The following TOM1 variants were observed in gnomAD, a reference collection of about 807,000 sequenced individuals.
TOM1 encodes the protein target of Myb protein 1.
In TOM1, 38 loss-of-function variants were observed where a neutral mutation model predicts 61.3. The observed-to-expected ratio is 0.62, with a 90% CI of 0.48 to 0.81. The LOEUF is 0.81. Among genes scored for constraint, TOM1 ranks in the 40% least tolerant of loss-of-function variants. The probability of loss-of-function intolerance (pLI) is 0.00; values close to 1 mark genes in which losing one functional copy is unlikely to be tolerated. For missense variants in TOM1, 591 were observed against 659.6 expected (o/e 0.90, Z 1.14); for synonymous variants, 270 against 268.8 (o/e 1.00, Z -0.04).
At chr22:35,299,851 G>T, upstream of TOM1, 1 of 1,511,214 alleles carries the variant, frequency 6.6e-7, no homozygotes, top group Non-Finnish European at 9.0e-7. Context: ...GCCTCCGAGT[G>T]CGTCACGTGA....
chr22:35,329,975 G>A (rs966803766), intron 7 of TOM1, among the ~76,000 whole-genome samples: 5 of 152,118 alleles, frequency 3.3e-5, no homozygotes, highest in African/African-American at 7.2e-5. Flanking sequence ...CTGGAGGCCC[G>A]TGCATTAGAG....
At chr22:35,308,234 G>GTC (rs796065360) in intron 1 of TOM1, among the ~76,000 whole-genome samples, 47 of 147,442 alleles carry the variant, frequency 3.2e-4, no homozygotes, top group African/African-American at 6.5e-4. Flanking sequence ...GTGTGTGTCT[G>GTC]TCTCTCTCTC....
At position 35,347,211 on chromosome 22, in the gene TOM1, T is replaced by A; in HGVS notation, c.*2T>A. The A allele has an allele frequency of 6.2e-7, 1 of 1,601,642 alleles. No homozygotes were observed. Among genetic ancestry groups the A allele is most frequent in the Non-Finnish European group, 8.5e-7 (1 of 1,172,854 alleles). On this transcript the variant is annotated 3_prime_UTR_variant, in exon 15 of 15. Transcript: ENST00000449058. Reference sequence around the variant, plus strand: ...GATGACATGCTGTTTGCCTTATGAGTGTGGGGTCTGGCACCCTGCAGCCCA... The same window carrying A: ...GATGACATGCTGTTTGCCTTATGAGAGTGGGGTCTGGCACCCTGCAGCCCA...
rs539652356 is a variant in TOM1 at position 35,332,140 on chromosome 22, G to T, written c.900-841G>T. ...CTCACTGATTGATTCTAAATCAGTGGAAAGTGGGGGGTACCCTGCAGGTCA... is the reference window on the plus strand; with the variant it reads ...CTCACTGATTGATTCTAAATCAGTGTAAAGTGGGGGGTACCCTGCAGGTCA... On this transcript the variant is annotated intron_variant, in intron 8 of 14. Transcript: ENST00000449058. Among the ~76,000 whole-genome samples, 13 of 152,246 alleles carry T rather than the reference G, an allele frequency of 8.5e-5. No individual in the cohort carries two copies. The East Asian group carries it at 2.5e-3, about 29-fold the overall frequency.
At chr22:35,317,434 C>T in intron 1 of TOM1, among the ~76,000 whole-genome samples, 1 of 152,146 alleles carries the variant, frequency 6.6e-6, no homozygotes, top group East Asian at 1.9e-4. Context: ...GTGATCCACC[C>T]ACCTCAGCCT....
At chr22:35,300,822 CTTG>C (rs1925689264) in intron 1 of TOM1, among the ~76,000 whole-genome samples, 1 of 152,206 alleles carries the variant, frequency 6.6e-6, no homozygotes, top group Admixed American at 6.5e-5. Context: ...CCTCCGTGGG[CTTG>C]TTGTGAAGAT....
At position 35,334,430 on chromosome 22, in the gene TOM1, T is replaced by C; in HGVS notation, c.1130T>C (p.Leu377Pro). The C allele has an allele frequency of 6.2e-7, 1 of 1,614,112 alleles. No homozygotes were observed. The highest frequency in any genetic ancestry group is 8.5e-7 in the Non-Finnish European group (1 of 1,180,022). Residue 377 changes from leucine to proline, a missense_variant, in exon 11 of 15, where the codon CTG (leucine) becomes CCG (proline). Physicochemically the swap from Leu to Pro is moderately conservative, Grantham distance 98 (BLOSUM62 -3). Transcript: ENST00000449058. ...DMFALTRGSS[L>P]ADQRKEVKYE... ...TTTGCGCTGACACGGGGCAGCTCACTGGCTGACCAACGGAAAGAGTGAGTG... is the reference window on the plus strand; with the variant it reads ...TTTGCGCTGACACGGGGCAGCTCACCGGCTGACCAACGGAAAGAGTGAGTG...
chr22:35,321,887 A>G, intron 2 of TOM1, 72 bp from the exon 3 acceptor site: 2 of 1,321,226 alleles, frequency 1.5e-6, no homozygotes, highest in Non-Finnish European at 1.1e-6. Flanking sequence ...AACTGTTCCA[A>G]CTCTCCAGGG....
At chr22:35,316,911 G>C (rs945912370) in intron 1 of TOM1, among the ~76,000 whole-genome samples, 9 of 152,074 alleles carry the variant, frequency 5.9e-5, no homozygotes, top group African/African-American at 2.2e-4. Context: ...CTCTCTTTGG[G>C]GTAGTTCTGC....
chr22:35,304,448 C>A (rs1169384864), intron 1 of TOM1, among the ~76,000 whole-genome samples: 20 of 152,184 alleles, frequency 1.3e-4, no homozygotes, highest in Non-Finnish European at 8.8e-5. Flanking sequence ...ATATTCTCTG[C>A]AGACAAATCT....
intron 1 of TOM1, among the ~76,000 whole-genome samples, chr22:35,313,650 C>A (rs1225418717): frequency 6.6e-6 from 1 of 152,228 alleles, no homozygotes; most frequent in African/African-American, 2.4e-5. Context: ...CGTCCCACTC[C>A]ACCCTCATCT....
In TOM1 at chr22:35,330,381, G is replaced by A. The variant is rs778820960; in HGVS notation, c.800G>A (p.Arg267Gln). Residue 267 changes from arginine to glutamine, a missense_variant, in exon 8 of 15, where the codon CGG becomes CAG. Arg to Gln is a conservative substitution (Grantham distance 43, BLOSUM62 1). Coordinates refer to ENST00000449058, the MANE Select transcript of TOM1 (RefSeq NM_005488.3). ...LNRTCRAMQQ[R>Q]VLELIPQIAN... ...CGCACGTGCCGAGCCATGCAGCAGC[G>A]GGTCCTGGAGCTCATCCCTCAGATC... The A allele has an allele frequency of 8.7e-6, 14 of 1,613,260 alleles. No homozygotes were observed. The highest frequency in any genetic ancestry group is 1.1e-5 in the Non-Finnish European group (13 of 1,179,742).
chr22:35,333,521 A>C (rs1178397410), intron 10 of TOM1, 24 bp downstream of exon 10: 2 of 1,609,220 alleles, frequency 1.2e-6, no homozygotes, highest in Non-Finnish European at 1.7e-6. Context: ...GGAGGGCTCC[A>C]GCTGAGGGTA....
intron 6 of TOM1, among the ~76,000 whole-genome samples, chr22:35,324,172 T>C (rs1941321004): frequency 6.6e-6 from 1 of 152,236 alleles, no homozygotes; most frequent in Admixed American, 6.5e-5. Flanking sequence ...GCCCTGTACC[T>C]TGGCCATTTT....
chr22:35,316,176 A>C (rs1927261164), intron 1 of TOM1, among the ~76,000 whole-genome samples: 1 of 152,256 alleles, frequency 6.6e-6, no homozygotes, highest in Non-Finnish European at 1.5e-5. Context: ...AGTACTTTGC[A>C]TGTGACACTT....
intron 1 of TOM1, among the ~76,000 whole-genome samples, chr22:35,309,049 T>A (rs2145617013): frequency 6.6e-6 from 1 of 152,316 alleles, no homozygotes; most frequent in East Asian, 1.9e-4. Context: ...AAAAAATAGC[T>A]TCTGCATATT....
intron 1 of TOM1, among the ~76,000 whole-genome samples, chr22:35,309,476 T>C (rs150764523): frequency 6.6e-6 from 1 of 152,186 alleles, no homozygotes; most frequent in East Asian, 1.9e-4. Context: ...AAACCCCATC[T>C]TTACTAAAAA....
At chr22:35,299,526 ACTAAGGG>A (rs538612585), upstream of TOM1, 55 of 209,608 alleles carry the variant, frequency 2.6e-4, 1 homozygote, top group South Asian at 3.1e-3. Flanking sequence ...GGTCCCAAGG[ACTAAGGG>A]CTATGACCCT....
chr22:35,306,843 G>A (rs1241792127), intron 1 of TOM1, among the ~76,000 whole-genome samples: 4 of 152,176 alleles, frequency 2.6e-5, no homozygotes, highest in Admixed American at 6.5e-5. Context: ...GCAAATGAGC[G>A]GTCACTGGCT....
Sources: gnomAD v4.1 joint callset for allele counts (sites outside exome capture counted in the v4.1 genomes callset) on GRCh38, gnomAD v4.1.1 for gene constraint, MANE v1.5 for transcripts, NCBI Gene and HGNC (gene_info 2026-07-23, HGNC 2026-07-21) for gene names.